SH3GL3: variants seen among roughly 807,000 people sequenced by gnomAD.
SH3GL3 encodes the protein endophilin-A3.
A neutral mutation model predicts 47.7 loss-of-function variants in SH3GL3; 33 were observed. The ratio of observed to expected loss-of-function variants is 0.69; its 90% CI spans 0.52 to 0.92. The LOEUF is 0.92. Among genes scored for constraint, SH3GL3 ranks in the 40% least tolerant of loss-of-function variants. The pLI is 0.00. For synonymous variants in SH3GL3, 155 were observed against 148.8 expected, an observed-to-expected ratio of 1.04 and a Z score of -0.30; for missense variants, 363 against 417.8, an observed-to-expected ratio of 0.87 and a Z score of 1.14.
Position 83,559,250 on chromosome 15 carries a change from C to A in SH3GL3, c.46-3C>A. On this transcript the variant is annotated splice_region_variant and splice_polypyrimidine_tract_variant and intron_variant, in intron 1 of 8. Transcript: ENST00000427482. ...ATGCAATTATTTATGTTTATTTCTG[C>A]AGCTATTTAGTGAAAAAATAAGTGG... The A allele has an allele frequency of 6.7e-7, 1 of 1,496,370 alleles. No homozygotes were observed. The highest frequency in any genetic ancestry group is 9.3e-7 in the Non-Finnish European group (1 of 1,072,810). 92.7% of individuals were successfully genotyped at this position (1,496,370 alleles called of 1,614,324 possible).
chr15:83,562,125 A>G lies in SH3GL3; in HGVS notation c.114+2804A>G, dbSNP rs950602037. Among the ~76,000 whole-genome samples the G allele has an allele frequency of 2.0e-5, 3 of 150,932 alleles. No homozygotes were observed. The South Asian group carries it at 6.3e-4, about 32-fold the overall frequency. On this transcript the variant is annotated intron_variant, in intron 2 of 8. Coordinates refer to ENST00000427482, the MANE Select transcript of SH3GL3 (RefSeq NM_003027.5). ...TTCTAGGAGGGAGATTTTGTTTTTA[A>G]GCTACATGAGTTTTTGTTGTTGTTT...
the SH3GL3 span, among the ~76,000 whole-genome samples, chr15:83,625,706 AT>A: frequency 6.6e-6 from 1 of 151,692 alleles, no homozygotes; most frequent in African/African-American, 2.4e-5. Context: ...GATTTTATCC[AT>A]TTTTTTCTCC....
At chr15:83,460,749 T>C (rs529519698) in intron 1 of SH3GL3, among the ~76,000 whole-genome samples, 1 of 152,256 alleles carries the variant, frequency 6.6e-6, no homozygotes, top group Admixed American at 6.5e-5. Flanking sequence ...CTGATGGTCT[T>C]GGTATGATGC....
intron 1 of SH3GL3, among the ~76,000 whole-genome samples, chr15:83,543,943 C>A (rs940789929): frequency 6.6e-6 from 1 of 150,508 alleles, no homozygotes; most frequent in African/African-American, 2.4e-5. Context: ...CAATTTTGTT[C>A]GTCTTTTCAA....
chr15:83,559,625 AT>A (rs543982062), intron 2 of SH3GL3, among the ~76,000 whole-genome samples: 3 of 152,232 alleles, frequency 2.0e-5, no homozygotes, highest in Non-Finnish European at 4.4e-5. Context: ...GGCCAAAGTA[AT>A]TGGTAGTATA....
rs12591634 is a variant in SH3GL3, at chr15:83,540,209, T to C, written c.46-19044T>C. ...GGTCTTTGAAATTTTAGAAATGTGC[T>C]TTGTGATTCCGCATATGGTCTATTT... On this transcript the variant is annotated intron_variant, in intron 1 of 8. Transcript: ENST00000427482. 9.4e-3 allele frequency among the ~76,000 whole-genome samples: 1,435 copies of C among 152,276 alleles called. 89 individuals are homozygous for C. In the East Asian group the frequency reaches 0.18, roughly 19 times the overall value.
At chr15:83,596,102 A>G (rs539271482) in intron 8 of SH3GL3, among the ~76,000 whole-genome samples, 11 of 152,122 alleles carry the variant, frequency 7.2e-5, no homozygotes, top group Admixed American at 4.6e-4. Context: ...ATTGTTTCTA[A>G]TTTTACTTTT....
Position 83,466,418 on chromosome 15 carries a change from A to G in SH3GL3, c.45+18840A>G, listed in dbSNP as rs557525045. 3.2e-4 allele frequency among the ~76,000 whole-genome samples: 49 copies of G among 151,940 alleles called. No homozygotes were observed. In the South Asian group the frequency reaches 5.9e-3, roughly 18 times the overall value. ...TCCAGGAGTGCAATTGTTAGAATAT[A>G]TATATATATATGGGGAAAGGCATGC... On this transcript the variant is annotated intron_variant, in intron 1 of 8. Transcript: ENST00000427482.
chr15:83,490,899 A>G lies in SH3GL3; in HGVS notation c.45+43321A>G, dbSNP rs2041846207. ...ATAGGTGCCTTACCTGGACCTCCCA[A>G]CAGGTAATAAATGGGAAAATGTTAA... On this transcript the variant is annotated intron_variant, in intron 1 of 8. Transcript: ENST00000427482. 6 of 1,614,166 alleles carry G rather than the reference A, an allele frequency of 3.7e-6. No individual in the cohort carries two copies. In the East Asian group the frequency reaches 1.1e-4, roughly 30 times the overall value.
chr15:83,588,547 C>T, intron 7 of SH3GL3, 115 bp from the exon 8 acceptor site: 1 of 680,938 alleles, frequency 1.5e-6, no homozygotes, highest in Admixed American at 2.3e-5. Context: ...AAAATCGTCC[C>T]TTTCATGACC....
In SH3GL3 at chr15:83,477,710, C is replaced by G. The variant is rs1382761635; in HGVS notation, c.45+30132C>G. Among the ~76,000 whole-genome samples, 5 of 152,234 alleles carry G rather than the reference C, an allele frequency of 3.3e-5. No homozygotes were observed. The East Asian group carries it at 9.7e-4, about 29-fold the overall frequency. ...ACCAGATGGTACCCTTTTGATTTGC[C>G]AGACATGCATACTTAAAGAAATGTG... is the stretch of plus-strand genomic sequence containing the variant. On this transcript the variant is annotated intron_variant, in intron 1 of 8. Coordinates refer to ENST00000427482, the MANE Select transcript of SH3GL3 (RefSeq NM_003027.5).
intron 1 of SH3GL3, among the ~76,000 whole-genome samples, chr15:83,520,557 G>A (rs2043162536): frequency 6.6e-6 from 1 of 152,120 alleles, no homozygotes; most frequent in Non-Finnish European, 1.5e-5. Flanking sequence ...GACTGAGGTT[G>A]CTGCAGTGGA....
chr15:83,472,070 G>C (rs2040856282), intron 1 of SH3GL3, among the ~76,000 whole-genome samples: 1 of 152,160 alleles, frequency 6.6e-6, no homozygotes, highest in African/African-American at 2.4e-5. Flanking sequence ...TTTTAGTAGA[G>C]ATGGGGTTTC....
At chr15:83,603,366 G>A (rs1251223101) in intron 8 of SH3GL3, among the ~76,000 whole-genome samples, 1 of 152,148 alleles carries the variant, frequency 6.6e-6, no homozygotes, top group Admixed American at 6.5e-5. Flanking sequence ...CACATTCAAA[G>A]TTCTTTCTTA....
the SH3GL3 span, among the ~76,000 whole-genome samples, chr15:83,631,753 C>T: frequency 1.3e-5 from 2 of 152,208 alleles, no homozygotes; most frequent in Non-Finnish European, 2.9e-5. Context: ...TCCTGGGCCT[C>T]TGGGCCTGTG....
At chr15:83,583,097 A>G (rs920528575) in intron 6 of SH3GL3, among the ~76,000 whole-genome samples, 1 of 152,234 alleles carries the variant, frequency 6.6e-6, no homozygotes, top group Non-Finnish European at 1.5e-5. Context: ...GGTGACCTCT[A>G]TGGGAAATGT....
At chr15:83,512,022 G>A (rs1248270069) in intron 1 of SH3GL3, among the ~76,000 whole-genome samples, 2 of 152,134 alleles carry the variant, frequency 1.3e-5, no homozygotes, top group Non-Finnish European at 2.9e-5. Flanking sequence ...TAAACTCACT[G>A]CAGTGGGAGT....
chr15:83,592,533 T>A (rs893906355), intron 8 of SH3GL3, among the ~76,000 whole-genome samples: 4 of 152,184 alleles, frequency 2.6e-5, no homozygotes, highest in African/African-American at 9.7e-5. Context: ...TAATCTTGAT[T>A]TAAAGTTTGG....
intron 5 of SH3GL3, 135 bp downstream of exon 5, chr15:83,572,833 A>G (rs1001108612): frequency 8.0e-6 from 5 of 624,152 alleles, no homozygotes; most frequent in Non-Finnish European, 1.3e-5. Flanking sequence ...ACTCAGTTCT[A>G]TTTTCCTGGG....
Sources: allele counts gnomAD v4.1 joint callset (sites outside exome capture counted in the v4.1 genomes callset), GRCh38; gene constraint gnomAD v4.1.1; transcripts MANE v1.5; gene names NCBI Gene and HGNC (gene_info 2026-07-23, HGNC 2026-07-21).